The following COBL variants were observed in gnomAD, a reference collection of about 807,000 sequenced individuals.
COBL encodes cordon-bleu WH2 repeat protein.
In COBL, 51 loss-of-function variants were observed where a neutral mutation model predicts 98.8. The observed-to-expected ratio is 0.52, with a 90% confidence interval of 0.41 to 0.65. COBL has a LOEUF of 0.65. Ranked by LOEUF, COBL falls within the 30% of genes least tolerant of loss-of-function variation. The pLI is 0.00. For synonymous variants in COBL, 634 were observed against 651.7 expected (o/e 0.97, Z 0.41); for missense variants, 1,617 against 1,617.5 (o/e 1.00, Z 0.01).
chr7:51,308,064 G>T (rs1273068934), intron 1 of COBL, among the ~76,000 whole-genome samples: 1 of 152,178 alleles, frequency 6.6e-6, no homozygotes, highest in Non-Finnish European at 1.5e-5. Context: ...TGGATAGGTG[G>T]GCGGACGGGA....
At chr7:51,073,100 A>G in intron 7 of COBL, 1 of 365,132 alleles carries the variant, frequency 2.7e-6, no homozygotes, top group Non-Finnish European at 4.9e-6. Context: ...GTATCAGTGA[A>G]TTTCAGACAG....
At chr7:51,047,923 T>G (rs1357550673) in intron 7 of COBL, among the ~76,000 whole-genome samples, 1 of 152,118 alleles carries the variant, frequency 6.6e-6, no homozygotes, top group Non-Finnish European at 1.5e-5. Flanking sequence ...TCCCAGCACG[T>G]TGGGAGGCTG....
chr7:51,093,764 T>C (rs77695337), intron 6 of COBL, among the ~76,000 whole-genome samples: 12,589 of 152,072 alleles, frequency 0.083, 750 homozygotes, highest in South Asian at 0.11. Flanking sequence ...TATGGTGGCA[T>C]GTGCCTGTAA....
intron 7 of COBL, among the ~76,000 whole-genome samples, chr7:51,074,834 T>C (rs1014527144): frequency 1.7e-4 from 26 of 152,362 alleles, no homozygotes; most frequent in African/African-American, 5.3e-4. Context: ...AAGGTATAAA[T>C]AGTTATAATC....
At chr7:51,136,124 A>T in intron 6 of COBL, 34 bp downstream of exon 6, 1 of 1,586,262 alleles carries the variant, frequency 6.3e-7, no homozygotes, top group Non-Finnish European at 8.6e-7. Flanking sequence ...CACTGAAAAG[A>T]TGCTTTGGTT....
At chr7:51,291,688 G>C (rs1800909341) in intron 1 of COBL, among the ~76,000 whole-genome samples, 1 of 152,046 alleles carries the variant, frequency 6.6e-6, no homozygotes, top group Non-Finnish European at 1.5e-5. Context: ...TTGAACCCAG[G>C]AAGTGGAGGT....
intron 12 of COBL, chr7:51,018,348 A>G (rs559491116): frequency 2.0e-4 from 30 of 152,316 alleles, no homozygotes; most frequent in African/African-American, 7.0e-4. Context: ...CCTCGCATCA[A>G]TCTTACAGAT....
chr7:51,282,167 T>C (rs1799871202), intron 1 of COBL, among the ~76,000 whole-genome samples: 1 of 152,102 alleles, frequency 6.6e-6, no homozygotes, highest in Non-Finnish European at 1.5e-5. Flanking sequence ...AGTTAAATGG[T>C]TGATCTAAAT....
At chr7:51,152,982 T>C (rs922529230) in intron 5 of COBL, among the ~76,000 whole-genome samples, 20 of 152,234 alleles carry the variant, frequency 1.3e-4, no homozygotes, top group Non-Finnish European at 2.8e-4. Context: ...TCCTTTGTTA[T>C]GAAGATTTTC....
At chr7:51,208,492 C>T (rs1792049759) in intron 2 of COBL, among the ~76,000 whole-genome samples, 1 of 151,748 alleles carries the variant, frequency 6.6e-6, no homozygotes, top group Non-Finnish European at 1.5e-5. Context: ...TGAGGGGCGC[C>T]TCTGCCCGGC....
At chr7:51,306,423 C>T (rs1046950055) in intron 1 of COBL, among the ~76,000 whole-genome samples, 2 of 152,080 alleles carry the variant, frequency 1.3e-5, no homozygotes, top group South Asian at 2.1e-4. Context: ...GGTCTGGGTT[C>T]TGTGTAGCTT....
intron 1 of COBL, among the ~76,000 whole-genome samples, chr7:51,311,157 G>T (rs912686812): frequency 3.3e-5 from 5 of 152,302 alleles, no homozygotes; most frequent in African/African-American, 1.2e-4. Flanking sequence ...TGCTTAAAAA[G>T]CTTTTTCTCT....
chr7:51,282,698 T>G (rs1443328549), intron 1 of COBL, among the ~76,000 whole-genome samples: 1 of 152,130 alleles, frequency 6.6e-6, no homozygotes, highest in Non-Finnish European at 1.5e-5. Flanking sequence ...ACCAACTTGA[T>G]TTAATTGACA....
chr7:51,061,600 T>C (rs763953722), intron 7 of COBL, among the ~76,000 whole-genome samples: 38 of 152,124 alleles, frequency 2.5e-4, no homozygotes, highest in Non-Finnish European at 4.9e-4. Context: ...TGAAACGTTA[T>C]TTCTGGGTGT....
chr7:51,201,092 T>G (rs1256886823), intron 2 of COBL, among the ~76,000 whole-genome samples: 1 of 151,648 alleles, frequency 6.6e-6, no homozygotes, highest in South Asian at 2.1e-4. Context: ...TACCAAAAAT[T>G]AGCTGGGCGT....
intron 1 of COBL, among the ~76,000 whole-genome samples, chr7:51,276,827 T>A (rs1232601120): frequency 6.6e-6 from 1 of 152,144 alleles, no homozygotes; most frequent in East Asian, 1.9e-4. Flanking sequence ...GGCTGGCCCT[T>A]AAGGGTGCCT....
At chr7:51,284,631 A>G (rs1366804079) in intron 1 of COBL, among the ~76,000 whole-genome samples, 1 of 151,910 alleles carries the variant, frequency 6.6e-6, no homozygotes, top group African/African-American at 2.4e-5. Context: ...GTTCGAGACC[A>G]GCCTGGCCAA....
At chr7:51,156,571 C>A (rs1786154324) in intron 5 of COBL, 1 of 984,916 alleles carries the variant, frequency 1.0e-6, no homozygotes, top group Non-Finnish European at 1.2e-6. Flanking sequence ...CTTAGCCAAG[C>A]AAATAAAAGA....
intron 1 of COBL, among the ~76,000 whole-genome samples, chr7:51,275,339 C>G (rs1799198298): frequency 1.3e-5 from 2 of 152,154 alleles, no homozygotes; most frequent in South Asian, 4.1e-4. Flanking sequence ...TGGTTTTTTC[C>G]CTCTGCCAGT....
Sources: gnomAD v4.1 joint callset for allele counts (sites outside exome capture counted in the v4.1 genomes callset) on GRCh38, gnomAD v4.1.1 for gene constraint, MANE v1.5 for transcripts, NCBI Gene and HGNC (gene_info 2026-07-23, HGNC 2026-07-21) for gene names.